The following ABLIM1 variants were observed in gnomAD, a reference collection of about 807,000 sequenced individuals.
The protein encoded by ABLIM1 is actin-binding LIM protein 1.
In ABLIM1, 40 loss-of-function variants were observed where a neutral mutation model predicts 107.0. That is an observed-to-expected ratio of 0.37 (90% CI 0.29 to 0.49). The LOEUF (loss-of-function observed/expected upper bound fraction) is 0.49, where lower values mean the gene tolerates loss of function less well. Ranked by LOEUF, ABLIM1 falls within the 20% of genes least tolerant of loss-of-function variation. The pLI is 0.97. For synonymous variants in ABLIM1, 357 were observed against 357.3 expected, an observed-to-expected ratio of 1.00 and a Z score of 0.01; for missense variants, 857 against 1,008.5, an observed-to-expected ratio of 0.85 and a Z score of 2.04.
At chr10:114,501,774 C>T (rs114827820) in intron 6 of ABLIM1, among the ~76,000 whole-genome samples, 3 of 152,296 alleles carry the variant, frequency 2.0e-5, no homozygotes, top group South Asian at 2.1e-4. Flanking sequence ...CAGTCTCCCC[C>T]ACTAAGAACG....
At chr10:114,649,126 G>T (rs752460470) in intron 1 of ABLIM1, among the ~76,000 whole-genome samples, 1 of 152,008 alleles carries the variant, frequency 6.6e-6, no homozygotes, top group Non-Finnish European at 1.5e-5. Context: ...GGCTGGGCAC[G>T]GTGGCTCACA....
chr10:114,670,673 T>C (rs1161784372), intron 1 of ABLIM1, among the ~76,000 whole-genome samples: 2 of 152,188 alleles, frequency 1.3e-5, no homozygotes, highest in Non-Finnish European at 2.9e-5. Context: ...TTGTATTTTT[T>C]TGTAGACATG....
In ABLIM1 at chr10:114,624,417, G is replaced by C. The variant is rs80287976; in HGVS notation, c.245-22456C>G. Among the ~76,000 whole-genome samples the C allele has an allele frequency of 8.7e-3, 1,326 of 152,250 alleles. 22 individuals carry two copies. Among genetic ancestry groups the C allele is most frequent in the African/African-American group, 0.03 (1,262 of 41,552 alleles). The stretch of plus-strand genomic sequence containing the variant: ...TGCAGTACATCTTCTGCAGGAATTT[G>C]GAAAAGTCAATTTGTCGTTCTTTAA... On this transcript the variant is annotated intron_variant, in intron 1 of 22. Coordinates refer to ENST00000533213, the MANE Select transcript of ABLIM1 (RefSeq NM_002313.7).
chr10:114,465,074 T>C (rs893364314), intron 12 of ABLIM1, among the ~76,000 whole-genome samples: 1 of 152,198 alleles, frequency 6.6e-6, no homozygotes, highest in African/African-American at 2.4e-5. Context: ...TGCCTAATAA[T>C]TGTATGTTTT....
At chr10:114,569,938 C>A (rs959721546) in intron 4 of ABLIM1, among the ~76,000 whole-genome samples, 1 of 152,154 alleles carries the variant, frequency 6.6e-6, no homozygotes, top group African/African-American at 2.4e-5. Flanking sequence ...TCCCAATGGT[C>A]AAAAATCCAA....
intron 8 of ABLIM1, among the ~76,000 whole-genome samples, chr10:114,480,767 G>A (rs1468028416): frequency 1.3e-5 from 2 of 152,024 alleles, no homozygotes; most frequent in Non-Finnish European, 2.9e-5. Context: ...ATGATGAAGG[G>A]GTCCATTTAC....
chr10:114,538,983 C>A (rs923274253), intron 6 of ABLIM1, among the ~76,000 whole-genome samples: 20 of 152,380 alleles, frequency 1.3e-4, no homozygotes, highest in African/African-American at 4.6e-4. Flanking sequence ...TTCCTTTACC[C>A]TCCAGGCTTC....
intron 5 of ABLIM1, 66 bp from the exon 6 acceptor site, chr10:114,545,164 A>G: frequency 1.4e-6 from 2 of 1,408,762 alleles, no homozygotes; most frequent in Non-Finnish European, 2.0e-6. Flanking sequence ...CACCAAAACC[A>G]CATTTCTCCA....
rs1591733767 is a variant in ABLIM1, at chr10:114,650,224, C to T, written c.244+7733G>A. ...ACCCATGGCCGTCACAGGTCCATGGCTGATTTGCCAAGTTAACAGGAGTCC... is the reference window on the plus strand; with the variant it reads ...ACCCATGGCCGTCACAGGTCCATGGTTGATTTGCCAAGTTAACAGGAGTCC... On this transcript the variant is annotated intron_variant, in intron 1 of 22. Coordinates refer to ENST00000533213, the MANE Select transcript of ABLIM1 (RefSeq NM_002313.7). Among the ~76,000 whole-genome samples, 3 of 152,314 alleles carry T rather than the reference C, an allele frequency of 2.0e-5. No individual in the cohort carries two copies. The South Asian group carries it at 6.2e-4, about 32-fold the overall frequency.
chr10:114,704,260 A>ATCTCTCTCTCTCTCTCTCTC (rs1346726796), intron 1 of ABLIM1, among the ~76,000 whole-genome samples: 1 of 50,062 alleles, frequency 2.0e-5, no homozygotes, highest in African/African-American at 6.8e-5. Context: ...CTGACACTCT[A>ATCTCTCTCTCTCTCTCTCTC]TCTCTCTCTC....
Position 114,447,896 on chromosome 10 carries a change from G to T in ABLIM1, c.1719C>A (p.Pro573=), listed in dbSNP as rs776274967. Residue 573 remains proline, a synonymous_variant, in exon 15 of 23, where the codon CCC becomes CCA. Coordinates refer to ENST00000533213, the MANE Select transcript of ABLIM1 (RefSeq NM_002313.7). ...GTTGCATACCTACGACAGCAAATGA[G>T]GGGGGACCAGGCCAGTGGTCCGTCT... is the stretch of plus-strand genomic sequence containing the variant. ...KIETDHWPGP[P]SFAVVGPDMK... The T allele has an allele frequency of 8.7e-6, 14 of 1,614,030 alleles. No individual in the cohort carries two copies. The highest frequency in any genetic ancestry group is 8.3e-5 in the Admixed American group (5 of 59,992).
At chr10:114,454,089 A>T (rs1055242411) in intron 12 of ABLIM1, among the ~76,000 whole-genome samples, 2 of 152,190 alleles carry the variant, frequency 1.3e-5, no homozygotes, top group African/African-American at 4.8e-5. Context: ...TCAGCCAGGT[A>T]TTTCACGACC....
intron 17 of ABLIM1, 108 bp downstream of exon 17, chr10:114,443,921 C>A (rs1175440862): frequency 1.2e-5 from 10 of 855,084 alleles, no homozygotes; most frequent in Non-Finnish European, 3.7e-6. Context: ...CACTTCCTTT[C>A]CCGTGGAATA....
chr10:114,788,330 A>C, the ABLIM1 span, among the ~76,000 whole-genome samples: 1 of 134,996 alleles, frequency 7.4e-6, no homozygotes, highest in African/African-American at 3.2e-5. Flanking sequence ...GATCAATAAA[A>C]AAATAAAAAA....
intron 6 of ABLIM1, among the ~76,000 whole-genome samples, chr10:114,530,066 G>A (rs1371375030): frequency 2.0e-5 from 3 of 152,184 alleles, no homozygotes; most frequent in African/African-American, 7.2e-5. Context: ...AGGGTGGGCA[G>A]AGGGATGTGT....
chr10:114,436,412 C>T, intron 22 of ABLIM1, 39 bp from the exon 23 acceptor site: 1 of 1,470,460 alleles, frequency 6.8e-7, no homozygotes, highest in Non-Finnish European at 9.4e-7. Context: ...GCTGTCAGTC[C>T]TGATGGCCAC....
intron 8 of ABLIM1, among the ~76,000 whole-genome samples, chr10:114,478,709 C>T (rs1246931969): frequency 1.3e-5 from 2 of 152,158 alleles, no homozygotes; most frequent in Non-Finnish European, 2.9e-5. Context: ...ATAAATTACC[C>T]CGTCTTGGGC....
At position 114,433,811 on chromosome 10, in the gene ABLIM1, T is replaced by C. The variant is rs2059096975; in HGVS notation, c.*2449A>G. The C allele has an allele frequency of 6.6e-6, 1 of 152,224 alleles. No homozygotes were observed. The highest frequency in any genetic ancestry group is 2.4e-5 in the African/African-American group (1 of 41,462). 9.4% of individuals were successfully genotyped at this position (152,224 alleles called of 1,614,324 possible). Reference sequence around the variant, plus strand: ...TTATGTAGACCAAGGAAGAGGAATTTTAGCAAAACTACCTGATTATGCCCA... The same window carrying C: ...TTATGTAGACCAAGGAAGAGGAATTCTAGCAAAACTACCTGATTATGCCCA... On this transcript the variant is annotated 3_prime_UTR_variant, in exon 23 of 23. Transcript: ENST00000533213.
intron 1 of ABLIM1, among the ~76,000 whole-genome samples, chr10:114,737,981 A>T (rs2082214877): frequency 6.6e-6 from 1 of 152,186 alleles, no homozygotes; most frequent in African/African-American, 2.4e-5. Context: ...AATTTACTAA[A>T]ACCCATCAAA....
Sources: allele counts gnomAD v4.1 joint callset (sites outside exome capture counted in the v4.1 genomes callset), GRCh38; gene constraint gnomAD v4.1.1; transcripts MANE v1.5; gene names NCBI Gene and HGNC (gene_info 2026-07-23, HGNC 2026-07-21).